The following PDE1C variants were observed in gnomAD, a reference collection of about 807,000 sequenced individuals.
PDE1C encodes phosphodiesterase 1C, also known as dual specificity calcium/calmodulin-dependent 3',5'-cyclic nucleotide phosphodiesterase 1C.
In PDE1C, 62 loss-of-function variants were observed where a neutral mutation model predicts 93.1. That is an observed-to-expected ratio of 0.67 (90% CI 0.54 to 0.82). The LOEUF (loss-of-function observed/expected upper bound fraction) is 0.82. PDE1C is among the 40% of genes least tolerant of loss of function. PDE1C has a pLI of 0.00. For missense variants in PDE1C, 742 were observed against 884.6 expected (o/e 0.84, Z 2.04); for synonymous variants, 325 against 310.1 (o/e 1.05, Z -0.50).
At chr7:31,622,856 G>T in the PDE1C span, among the ~76,000 whole-genome samples, 2 of 152,012 alleles carry the variant, frequency 1.3e-5, no homozygotes, top group Non-Finnish European at 2.9e-5. Context: ...TTGATAGACC[G>T]CTAGCAAGAC....
At chr7:32,109,101 A>G (rs745633867) in intron 3 of PDE1C, among the ~76,000 whole-genome samples, 2 of 152,150 alleles carry the variant, frequency 1.3e-5, no homozygotes, top group African/African-American at 2.4e-5. Context: ...CTGAGGGCCC[A>G]CCCTTCTCTG....
chr7:32,000,353 C>T (rs1212049309), intron 2 of PDE1C, among the ~76,000 whole-genome samples: 2 of 152,154 alleles, frequency 1.3e-5, no homozygotes, highest in Non-Finnish European at 2.9e-5. Context: ...CCTATCACTG[C>T]TATATTCCTG....
the PDE1C span, among the ~76,000 whole-genome samples, chr7:31,736,806 G>T: frequency 6.6e-6 from 1 of 152,220 alleles, no homozygotes; most frequent in African/African-American, 2.4e-5. Flanking sequence ...AATCCCTTGT[G>T]TGGGGGGAGG....
intron 1 of PDE1C, among the ~76,000 whole-genome samples, chr7:32,348,888 A>T (rs1783904324): frequency 8.5e-6 from 1 of 117,412 alleles, no homozygotes; most frequent in African/African-American, 2.6e-5. Context: ...CTGATCAAAG[A>T]TCAATAAGCA....
At chr7:32,376,931 C>T (rs1784442537) in intron 1 of PDE1C, among the ~76,000 whole-genome samples, 1 of 152,242 alleles carries the variant, frequency 6.6e-6, no homozygotes, top group African/African-American at 2.4e-5. Flanking sequence ...TCATCATCCG[C>T]CAGCCTCGGC....
intron 2 of PDE1C, among the ~76,000 whole-genome samples, chr7:31,980,111 G>A (rs1387678489): frequency 5.9e-5 from 9 of 152,290 alleles, no homozygotes; most frequent in Non-Finnish European, 1.2e-4. Flanking sequence ...GCAGATGACT[G>A]GTCTTCCAGC....
the PDE1C span, among the ~76,000 whole-genome samples, chr7:31,672,675 G>A: frequency 6.6e-6 from 1 of 152,118 alleles, no homozygotes; most frequent in East Asian, 1.9e-4. Flanking sequence ...AAAAGAAGCT[G>A]AGACCATCCA....
At chr7:31,974,590 A>C (rs1811395589) in intron 2 of PDE1C, among the ~76,000 whole-genome samples, 1 of 152,302 alleles carries the variant, frequency 6.6e-6, no homozygotes, top group East Asian at 1.9e-4. Context: ...ATACTGGTAC[A>C]AACTGAGTGT....
the PDE1C span, chr7:31,692,338 C>T: frequency 1.1e-6 from 1 of 933,228 alleles, no homozygotes; most frequent in Admixed American, 2.2e-5. Flanking sequence ...AATATATTTA[C>T]TTAGCAAATG....
chr7:31,805,074 G>C (rs188337516), intron 16 of PDE1C, among the ~76,000 whole-genome samples: 1 of 151,822 alleles, frequency 6.6e-6, no homozygotes, highest in East Asian at 2.0e-4. Context: ...ATAATGGGCA[G>C]TTCCCCTGCA....
the PDE1C span, among the ~76,000 whole-genome samples, chr7:31,677,863 G>A: frequency 6.6e-6 from 1 of 152,052 alleles, no homozygotes; most frequent in Non-Finnish European, 1.5e-5. Flanking sequence ...TTACATGTGA[G>A]ATAATTTTAT....
chr7:32,166,970 C>A (rs1802321883), intron 3 of PDE1C, among the ~76,000 whole-genome samples: 1 of 152,146 alleles, frequency 6.6e-6, no homozygotes, highest in South Asian at 2.1e-4. Flanking sequence ...TTTCTCTCTC[C>A]AAGCCAGTTT....
chr7:31,923,436 C>T (rs983161323), intron 2 of PDE1C, among the ~76,000 whole-genome samples: 1 of 152,118 alleles, frequency 6.6e-6, no homozygotes, highest in Non-Finnish European at 1.5e-5. Flanking sequence ...CCAGGTGAGT[C>T]TAAGGTATAG....
intron 1 of PDE1C, among the ~76,000 whole-genome samples, chr7:32,306,015 C>T (rs1385833686): frequency 6.6e-6 from 1 of 152,164 alleles, no homozygotes; most frequent in Non-Finnish European, 1.5e-5. Context: ...GCGGTTTCCC[C>T]CACACTGTTC....
chr7:31,965,522 A>C (rs1212875171), intron 2 of PDE1C, among the ~76,000 whole-genome samples: 1 of 152,208 alleles, frequency 6.6e-6, no homozygotes, highest in Non-Finnish European at 1.5e-5. Context: ...GAACCAAGTT[A>C]GGAAACACTC....
At chr7:31,749,354 T>C (rs1273878664), downstream of PDE1C, among the ~76,000 whole-genome samples, 2 of 152,152 alleles carry the variant, frequency 1.3e-5, no homozygotes, top group African/African-American at 2.4e-5. Flanking sequence ...GGTTCTTTCC[T>C]TACGTGGATT....
intron 1 of PDE1C, among the ~76,000 whole-genome samples, chr7:32,387,712 G>A (rs1305271662): frequency 1.9e-4 from 26 of 135,374 alleles, no homozygotes; most frequent in East Asian, 9.0e-4. Flanking sequence ...GGACGGGGCG[G>A]CTGGCCGGGC....
chr7:32,128,672 A>G (rs1349429584), intron 3 of PDE1C, among the ~76,000 whole-genome samples: 1 of 151,582 alleles, frequency 6.6e-6, no homozygotes, highest in Non-Finnish European at 1.5e-5. Flanking sequence ...TATCTCATAA[A>G]CTACTAGTAA....
intron 7 of PDE1C, among the ~76,000 whole-genome samples, chr7:31,864,675 T>C (rs971412967): frequency 6.6e-6 from 1 of 152,210 alleles, no homozygotes; most frequent in Non-Finnish European, 1.5e-5. Flanking sequence ...TATTTAGTTG[T>C]AGTCTTTATA....
Sources: gnomAD v4.1 joint callset for allele counts (sites outside exome capture counted in the v4.1 genomes callset) on GRCh38, gnomAD v4.1.1 for gene constraint, MANE v1.5 for transcripts, NCBI Gene and HGNC (gene_info 2026-07-23, HGNC 2026-07-21) for gene names.